SPATA17: variants seen among roughly 807,000 people sequenced by gnomAD.
SPATA17 encodes the protein spermatogenesis-associated protein 17.
SPATA17 carries 53 observed loss-of-function variants against 62.2 expected under a neutral mutation model. That is an observed-to-expected ratio of 0.85 (90% confidence interval 0.68 to 1.07). SPATA17 has a LOEUF of 1.07. Among genes scored for constraint, SPATA17 ranks in the 50% least tolerant of loss-of-function variants. SPATA17 has a pLI of 0.00. For missense variants in SPATA17, 466 were observed against 425.5 expected, an observed-to-expected ratio of 1.10 and a Z score of -0.84; for synonymous variants, 146 against 146.8, an observed-to-expected ratio of 0.99 and a Z score of 0.04.
intron 8 of SPATA17, among the ~76,000 whole-genome samples, chr1:217,788,165 G>A (rs1026263919): frequency 6.6e-5 from 10 of 152,088 alleles, no homozygotes; most frequent in African/African-American, 2.4e-4. Context: ...GGTATTATGA[G>A]AGGTGTGCTA....
At chr1:217,858,120 A>G (rs908551914) in intron 9 of SPATA17, among the ~76,000 whole-genome samples, 1 of 152,224 alleles carries the variant, frequency 6.6e-6, no homozygotes, top group African/African-American at 2.4e-5. Context: ...TCTCATTTGT[A>G]TATATATTTA....
At chr1:217,720,857 T>G (rs1199601454) in intron 5 of SPATA17, among the ~76,000 whole-genome samples, 1 of 152,268 alleles carries the variant, frequency 6.6e-6, no homozygotes, top group South Asian at 2.1e-4. Context: ...AGATTCACAC[T>G]CCAGCGGAGA....
Position 217,651,110 on chromosome 1 carries a change from AT to A in SPATA17, c.174del (p.Ile58MetfsTer2). 1 of 1,608,490 alleles carries A rather than the reference AT, an allele frequency of 6.2e-7. No homozygotes were observed. Among genetic ancestry groups the A allele is most frequent in the Non-Finnish European group, 8.5e-7 (1 of 1,177,956 alleles). On this transcript the variant is annotated frameshift_variant, in exon 3 of 11. Coordinates refer to ENST00000366933, the MANE Select transcript of SPATA17 (RefSeq NM_138796.4). LOFTEE classifies it high-confidence loss of function. ...TTTTTATCCTAGGCATTTAAACAGG[AT>A]TGTAACAATTATTCAAAAATGGTGG... Reference protein sequence around the residue: ...VRAYIRHLNRIVTIIQKWWRS... With the variant: ...VRAYIRHLNRXVTIIQKWWRS...
At chr1:217,750,464 A>G in intron 6 of SPATA17, among the ~76,000 whole-genome samples, 1 of 152,170 alleles carries the variant, frequency 6.6e-6, no homozygotes, top group East Asian at 1.9e-4. Context: ...GACATGCAGA[A>G]GAAATGTATC....
At chr1:217,723,008 G>A (rs1384379200) in intron 5 of SPATA17, among the ~76,000 whole-genome samples, 1 of 152,172 alleles carries the variant, frequency 6.6e-6, no homozygotes, top group Non-Finnish European at 1.5e-5. Flanking sequence ...GGTCAAGAGG[G>A]ACTTAGTCTG....
chr1:217,707,966 A>C (rs1274282241), intron 5 of SPATA17, among the ~76,000 whole-genome samples: 2 of 152,224 alleles, frequency 1.3e-5, no homozygotes, highest in African/African-American at 2.4e-5. Context: ...TTGTGTAAAC[A>C]ATGAAATTAA....
intron 9 of SPATA17, among the ~76,000 whole-genome samples, chr1:217,847,271 A>G (rs1298687106): frequency 1.3e-5 from 2 of 152,098 alleles, no homozygotes; most frequent in East Asian, 3.8e-4. Context: ...TAAATAAATT[A>G]GTTATATTTA....
At chr1:217,767,144 T>G (rs1673320206) in intron 6 of SPATA17, among the ~76,000 whole-genome samples, 1 of 152,166 alleles carries the variant, frequency 6.6e-6, no homozygotes, top group Non-Finnish European at 1.5e-5. Context: ...GGGTAGAGTG[T>G]AGGCTTGTGG....
At chr1:217,767,500 A>G (rs976241991) in intron 6 of SPATA17, among the ~76,000 whole-genome samples, 9 of 151,984 alleles carry the variant, frequency 5.9e-5, no homozygotes, top group African/African-American at 2.2e-4. Context: ...TTTATTACAC[A>G]TATGTTATAC....
intron 6 of SPATA17, among the ~76,000 whole-genome samples, chr1:217,773,180 G>A (rs901046571): frequency 3.3e-5 from 5 of 152,222 alleles, no homozygotes; most frequent in East Asian, 1.9e-4. Flanking sequence ...TTAGGTTTTC[G>A]AAGACAGCTA....
chr1:217,647,737 AT>A (rs1490572646), intron 1 of SPATA17, among the ~76,000 whole-genome samples: 2 of 147,942 alleles, frequency 1.4e-5, no homozygotes, highest in East Asian at 3.9e-4. Flanking sequence ...TTTTTTTTTT[AT>A]TTTGAGACAG....
intron 6 of SPATA17, among the ~76,000 whole-genome samples, chr1:217,767,518 A>G (rs922179000): frequency 6.6e-6 from 1 of 151,848 alleles, no homozygotes. Flanking sequence ...TACCTTTTGT[A>G]TTTGTCCCAC....
intron 4 of SPATA17, among the ~76,000 whole-genome samples, chr1:217,673,753 C>T (rs528213056): frequency 8.5e-5 from 13 of 152,172 alleles, no homozygotes; most frequent in South Asian, 6.2e-4. Flanking sequence ...TTAGAGAGTC[C>T]GGTTCCTGGC....
At chr1:217,637,375 A>C (rs1199458587) in intron 1 of SPATA17, among the ~76,000 whole-genome samples, 1 of 152,130 alleles carries the variant, frequency 6.6e-6, no homozygotes, top group African/African-American at 2.4e-5. Flanking sequence ...TAAATTATTA[A>C]GTTTCTGCCG....
chr1:217,819,499 C>T (rs1016186640), intron 9 of SPATA17, among the ~76,000 whole-genome samples: 4 of 151,948 alleles, frequency 2.6e-5, no homozygotes, highest in African/African-American at 9.7e-5. Flanking sequence ...CATGAACTAT[C>T]AAGTCACAGG....
chr1:217,854,347 C>T (rs926949907), intron 9 of SPATA17, among the ~76,000 whole-genome samples: 3 of 152,068 alleles, frequency 2.0e-5, no homozygotes, highest in African/African-American at 7.2e-5. Flanking sequence ...AAATAAGGAA[C>T]CTGTGAATAG....
chr1:217,633,653 C>G (rs977173089), intron 1 of SPATA17, among the ~76,000 whole-genome samples: 11 of 152,178 alleles, frequency 7.2e-5, no homozygotes, highest in African/African-American at 2.4e-4. Context: ...GCACCAAGAT[C>G]CAGAGGTCCA....
chr1:217,787,678 C>T (rs1673903055), intron 8 of SPATA17, among the ~76,000 whole-genome samples: 1 of 151,992 alleles, frequency 6.6e-6, no homozygotes, highest in Admixed American at 6.6e-5. Flanking sequence ...CTATTGTCAA[C>T]CCTTTTTTGT....
chr1:217,812,195 T>C (rs1438544408), intron 9 of SPATA17, among the ~76,000 whole-genome samples: 1 of 152,216 alleles, frequency 6.6e-6, no homozygotes, highest in Non-Finnish European at 1.5e-5. Context: ...ACTTTTCAAA[T>C]GATTTATTAA....
Sources: allele counts gnomAD v4.1 joint callset (sites outside exome capture counted in the v4.1 genomes callset), GRCh38; gene constraint gnomAD v4.1.1; transcripts MANE v1.5; gene names NCBI Gene and HGNC (gene_info 2026-07-23, HGNC 2026-07-21).